Variants in DHRS11 observed in about 807,000 individuals in gnomAD.
DHRS11 encodes the protein dehydrogenase/reductase SDR family member 11.
A neutral mutation model predicts 30.7 loss-of-function variants in DHRS11; 18 were observed. The observed-to-expected ratio is 0.59, with a 90% CI of 0.41 to 0.87. The LOEUF (loss-of-function observed/expected upper bound fraction) is 0.87. Among genes scored for constraint, DHRS11 ranks in the 40% least tolerant of loss-of-function variants. The probability of loss-of-function intolerance (pLI) is 0.00; values close to 1 mark genes in which losing one functional copy is unlikely to be tolerated. For synonymous variants in DHRS11, 123 were observed against 139.6 expected, an observed-to-expected ratio of 0.88 and a Z score of 0.84; for missense variants, 300 against 349.0, an observed-to-expected ratio of 0.86 and a Z score of 1.12.
In DHRS11 at chr17:36,600,111, C is replaced by A. The variant is rs1483944934; in HGVS notation, c.742-51C>A. 1.2e-5 allele frequency: 19 copies of A among 1,613,746 alleles called. No individual in the cohort carries two copies. The Admixed American group carries it at 3.2e-4, about 27-fold the overall frequency. On this transcript the variant is annotated intron_variant, in intron 6 of 6. Transcript: ENST00000618403. ...CAGAGGAGGGGAGCAGGGAGCCCTG[C>A]AGGGCCAGGGGAGAGTGTCACAGCT...
chr17:36,599,526 G>A, intron 4 of DHRS11, 145 bp from the exon 5 acceptor site: 1 of 724,276 alleles, frequency 1.4e-6, no homozygotes, highest in South Asian at 1.7e-5. Flanking sequence ...ACTGCCAGTG[G>A]CAGCTTCGGA....
chr17:36,596,017 A>G (rs192914723), intron 2 of DHRS11, among the ~76,000 whole-genome samples: 6 of 152,266 alleles, frequency 3.9e-5, no homozygotes, highest in East Asian at 3.9e-4. Flanking sequence ...CACAGCTCCA[A>G]TGTCCCCTGG....
chr17:36,592,021 C>T lies in DHRS11; in HGVS notation c.12C>T (p.Pro4=), dbSNP rs1011070389. The T allele has an allele frequency of 8.1e-7, 1 of 1,229,088 alleles. No individual in the cohort carries two copies. The highest frequency in any genetic ancestry group is 1.0e-6 in the Non-Finnish European group (1 of 985,848). 76.1% of individuals were successfully genotyped at this position (1,229,088 alleles called of 1,614,324 possible). Reference sequence around the variant, plus strand: ...GGCGGCGTGGGCCCATGGCCAGGCCCGGCATGGAGCGGTGGCGCGACCGGC... The same window carrying T: ...GGCGGCGTGGGCCCATGGCCAGGCCTGGCATGGAGCGGTGGCGCGACCGGC... MAR[P]GMERWRDRLA... is the part of the protein sequence containing the mutation. The change falls in exon 1 of 7, where the codon CCC becomes CCT. Residue 4 remains proline, a synonymous_variant. Coordinates refer to ENST00000618403, the MANE Select transcript of DHRS11 (RefSeq NM_024308.4). The surrounding 1 kb of genome is among the most constrained non-coding windows in gnomAD (Gnocchi z 4.4).
intron 2 of DHRS11, chr17:36,596,508 A>AC (rs71368415): frequency 4.3e-4 from 88 of 202,310 alleles, no homozygotes; most frequent in East Asian, 4.0e-3. Flanking sequence ...TTTATGTGAC[A>AC]CCCCCCCACT....
At chr17:36,599,851 C>G (rs1288102249) in intron 5 of DHRS11, 88 bp downstream of exon 5, 3 of 1,588,602 alleles carry the variant, frequency 1.9e-6, no homozygotes, top group Admixed American at 1.7e-5. Flanking sequence ...ACTCTTCCAG[C>G]CTTTGTGGCT....
At chr17:36,598,801 C>A (rs1209653598) in intron 3 of DHRS11, 120 bp from the exon 4 acceptor site, 7 of 1,325,956 alleles carry the variant, frequency 5.3e-6, no homozygotes, top group Non-Finnish European at 7.2e-6. Context: ...CAGTAGAGGT[C>A]CCCTTTAGAA....
chr17:36,594,552 C>T, intron 1 of DHRS11: 1 of 218,828 alleles, frequency 4.6e-6, no homozygotes, highest in Non-Finnish European at 9.3e-6. Context: ...TGTGCCTCAG[C>T]CTCCCAAGTA....
At chr17:36,593,999 AG>A (rs926531837) in intron 1 of DHRS11, among the ~76,000 whole-genome samples, 1 of 152,224 alleles carries the variant, frequency 6.6e-6, no homozygotes, top group African/African-American at 2.4e-5. Flanking sequence ...GGAGATGCAC[AG>A]GGGGTGTTCA....
At chr17:36,599,115 G>A (rs142207946) in intron 4 of DHRS11, 65 bp downstream of exon 4, 1,536 of 1,558,000 alleles carry the variant, frequency 9.9e-4, no homozygotes, top group Non-Finnish European at 1.2e-3. Flanking sequence ...CACACACACC[G>A]TTCAGGAAGC....
chr17:36,599,608 C>T, intron 4 of DHRS11, 63 bp from the exon 5 acceptor site: 3 of 1,561,960 alleles, frequency 1.9e-6, no homozygotes, highest in East Asian at 2.2e-5. Flanking sequence ...CCATCCTCTC[C>T]CCTCGACCTC....
At chr17:36,597,772 G>A (rs766912486) in intron 2 of DHRS11, 15 of 303,424 alleles carry the variant, frequency 4.9e-5, no homozygotes, top group Non-Finnish European at 8.7e-5. Context: ...GACTGTCACA[G>A]AGAAGAGAAG....
intron 4 of DHRS11, 162 bp from the exon 5 acceptor site, chr17:36,599,509 T>C (rs1050131916): frequency 3.0e-6 from 2 of 656,928 alleles, no homozygotes; most frequent in African/African-American, 3.6e-5. Flanking sequence ...TAGGTATCAT[T>C]GTGGTCACTG....
intron 2 of DHRS11, 133 bp from the exon 3 acceptor site, chr17:36,598,030 G>C (rs1309772790): frequency 1.2e-6 from 1 of 846,704 alleles, no homozygotes; most frequent in East Asian, 2.5e-5. Context: ...TGTGCCTGTG[G>C]CTGGTCTCCG....
At position 36,599,001 on chromosome 17, in the gene DHRS11, A is replaced by C. The variant is rs774883923; in HGVS notation, c.533A>C (p.Glu178Ala). The change falls in exon 4 of 7, where the codon GAG becomes GCG. Residue 178 changes from glutamate (E) to alanine (A), a missense_variant. Glu to Ala is a moderately radical substitution (Grantham distance 107). Transcript: ENST00000618403. The stretch of plus-strand genomic sequence containing the variant: ...AAGTATGCCGTCACTGCGCTGACAG[A>C]GGGACTGAGGCAAGAGCTTCGGGAG... ...ATKYAVTALT[E>A]GLRQELREAQ... is the part of the protein sequence containing the mutation. 6.2e-7 allele frequency: 1 copy of C among 1,613,170 alleles called. No homozygotes were observed. Among genetic ancestry groups the C allele is most frequent in the East Asian group, 2.2e-5 (1 of 44,892 alleles).
chr17:36,599,320 G>A (rs940369675), intron 4 of DHRS11: 2 of 573,908 alleles, frequency 3.5e-6, no homozygotes, highest in African/African-American at 3.8e-5. Context: ...GAAACCAGGT[G>A]CACAGTGGCT....
chr17:36,598,047 C>T lies in DHRS11; in HGVS notation c.358-116C>T, dbSNP rs369251903. On this transcript the variant is annotated intron_variant, in intron 2 of 6. Transcript: ENST00000618403. ...TGCCTGTGGCTGGTCTCCGGGGGGA[C>T]CTGGACACTGTTTTGGAATGCCACA... The T allele has an allele frequency of 3.4e-4, 356 of 1,035,048 alleles. 1 individual carries two copies. The East Asian group carries it at 6.9e-3, about 20-fold the overall frequency. The allele number at this position is 1,035,048 out of a possible 1,614,324, so 64.1% of individuals were successfully genotyped here.
chr17:36,594,281 C>G (rs7208755), intron 1 of DHRS11, among the ~76,000 whole-genome samples: 2 of 152,112 alleles, frequency 1.3e-5, no homozygotes, highest in South Asian at 2.1e-4. Context: ...CCCAGTGACT[C>G]TCGGGACTGG....
Position 36,591,885 on chromosome 17 carries a change from C to CTGG in DHRS11, c.-121_-119dup, listed in dbSNP as rs999139847. 7 of 1,042,532 alleles carry CTGG rather than the reference C, an allele frequency of 6.7e-6. No individual in the cohort carries two copies. Among genetic ancestry groups the CTGG allele is most frequent in the Non-Finnish European group, 8.5e-6 (7 of 821,552 alleles). 64.6% of individuals were successfully genotyped at this position (1,042,532 alleles called of 1,614,324 possible). Reference sequence around the variant, plus strand: ...TCCCGGCCGGAGGCAGGCCGGGACTCTGGTGGGTCTAGGCGCGGATCGGAC... The same window carrying CTGG: ...TCCCGGCCGGAGGCAGGCCGGGACTCTGGTGGTGGGTCTAGGCGCGGATCGGAC... On this transcript the variant is annotated 5_prime_UTR_variant, in exon 1 of 7. Transcript: ENST00000618403.
chr17:36,592,615 GGTAA>G lies in DHRS11; in HGVS notation c.147+460_147+463del. Reference sequence around the variant, plus strand: ...CTCAGCCCCGCCCCCTCACCTCGGGGGTAACTCATGCCCAGTGGCATGAGGAATG... The same window carrying G: ...CTCAGCCCCGCCCCCTCACCTCGGGGCTCATGCCCAGTGGCATGAGGAATG... On this transcript the variant is annotated intron_variant, in intron 1 of 6. Coordinates refer to ENST00000618403, the MANE Select transcript of DHRS11 (RefSeq NM_024308.4). This position sits in a 1 kb window ranked among gnomAD's most constrained non-coding sequence, Gnocchi z 4.4. Among the ~76,000 whole-genome samples the G allele has an allele frequency of 6.6e-6, 1 of 152,208 alleles. No individual in the cohort carries two copies.
Sources: gnomAD v4.1 joint callset for allele counts (sites outside exome capture counted in the v4.1 genomes callset) on GRCh38, gnomAD v4.1.1 for gene constraint, Gnocchi (gnomAD v3.1) non-coding constraint, MANE v1.5 for transcripts, NCBI Gene and HGNC (gene_info 2026-07-23, HGNC 2026-07-21) for gene names.